MACROD2: variants seen among roughly 807,000 people sequenced by gnomAD.
MACROD2 encodes the protein ADP-ribose glycohydrolase MACROD2.
MACROD2 carries 36 observed loss-of-function variants against 70.4 expected under a neutral mutation model. The observed-to-expected ratio is 0.51, with a 90% confidence interval of 0.39 to 0.68. MACROD2 has a LOEUF of 0.68. MACROD2 is among the 30% of genes least tolerant of loss of function. MACROD2 has a pLI of 0.00. For synonymous variants in MACROD2, 172 were observed against 178.8 expected (o/e 0.96, Z 0.30); for missense variants, 496 against 538.4 (o/e 0.92, Z 0.78).
intron 6 of MACROD2, among the ~76,000 whole-genome samples, chr20:15,360,413 G>A (rs1240808449): frequency 6.6e-6 from 1 of 152,092 alleles, no homozygotes; most frequent in Non-Finnish European, 1.5e-5. Flanking sequence ...CATATGCAAT[G>A]TATGGCTTTT....
intron 8 of MACROD2, among the ~76,000 whole-genome samples, chr20:15,746,206 A>AT (rs1039739754): frequency 1.1e-4 from 17 of 151,748 alleles, no homozygotes; most frequent in East Asian, 1.9e-4. Flanking sequence ...GAGCTTTATA[A>AT]TTTTTTTTGT....
chr20:15,287,106 G>T (rs568401636), intron 6 of MACROD2, among the ~76,000 whole-genome samples: 1 of 152,100 alleles, frequency 6.6e-6, no homozygotes, highest in Non-Finnish European at 1.5e-5. Flanking sequence ...TGTCAAGGGA[G>T]GGTTATTTTC....
chr20:14,239,187 G>A (rs1463421652), intron 3 of MACROD2, among the ~76,000 whole-genome samples: 1 of 152,118 alleles, frequency 6.6e-6, no homozygotes, highest in Non-Finnish European at 1.5e-5. Context: ...GGTCTCTACA[G>A]TGAGAATTAC....
At chr20:14,499,149 A>T (rs539486367) in intron 4 of MACROD2, among the ~76,000 whole-genome samples, 2 of 152,174 alleles carry the variant, frequency 1.3e-5, no homozygotes, top group African/African-American at 4.8e-5. Context: ...GGCAGGAGAA[A>T]CTCAGGGGCT....
chr20:14,633,461 G>A (rs1164835564), intron 4 of MACROD2, among the ~76,000 whole-genome samples: 3 of 152,098 alleles, frequency 2.0e-5, no homozygotes, highest in Non-Finnish European at 2.9e-5. Flanking sequence ...ACTCTGAGTT[G>A]GTGATAAATA....
chr20:15,620,267 G>GT (rs1229584088), intron 8 of MACROD2, among the ~76,000 whole-genome samples: 2 of 152,134 alleles, frequency 1.3e-5, no homozygotes, highest in Non-Finnish European at 2.9e-5. Flanking sequence ...AGAGAATGAA[G>GT]TTTTTTCCTG....
At chr20:14,931,523 C>T (rs1324159943) in intron 5 of MACROD2, among the ~76,000 whole-genome samples, 6 of 152,026 alleles carry the variant, frequency 3.9e-5, no homozygotes, top group South Asian at 2.1e-4. Context: ...CTGTTAGGTG[C>T]ATCTGCCATA....
At chr20:14,814,770 C>A (rs2072754269) in intron 5 of MACROD2, among the ~76,000 whole-genome samples, 1 of 151,632 alleles carries the variant, frequency 6.6e-6, no homozygotes. Flanking sequence ...TTAAAGGTGA[C>A]AGATAATCAA....
intron 5 of MACROD2, among the ~76,000 whole-genome samples, chr20:14,763,278 A>G (rs540700834): frequency 6.6e-6 from 1 of 152,276 alleles, no homozygotes; most frequent in Non-Finnish European, 1.5e-5. Flanking sequence ...ATGCAAAAAA[A>G]CTTGTCGCTC....
chr20:14,884,102 T>C (rs2073642240), intron 5 of MACROD2, among the ~76,000 whole-genome samples: 1 of 152,188 alleles, frequency 6.6e-6, no homozygotes, highest in African/African-American at 2.4e-5. Context: ...TTTCCTGTGA[T>C]ATCCCATGGA....
At position 14,681,285 on chromosome 20, in the gene MACROD2, C is replaced by T. The variant is rs76920499; in HGVS notation, c.302-3558C>T. ...GATATTTGTCCAATGGAAATGAAAA[C>T]GTATAGCTACAAGATGGTTTATACA... is the stretch of plus-strand genomic sequence containing the variant. On this transcript the variant is annotated intron_variant, in intron 4 of 17. Transcript: ENST00000684519. Among the ~76,000 whole-genome samples, 835 of 152,166 alleles carry T rather than the reference C, an allele frequency of 5.5e-3. 16 individuals are homozygous for T. The highest frequency in any genetic ancestry group is 0.019 in the African/African-American group (787 of 41,546).
At chr20:14,273,086 G>A (rs2082212324) in intron 3 of MACROD2, among the ~76,000 whole-genome samples, 3 of 151,986 alleles carry the variant, frequency 2.0e-5, no homozygotes, top group African/African-American at 7.2e-5. Context: ...ACAGATCAAT[G>A]AGACAGAAAG....
At chr20:14,867,586 C>T (rs547787222) in intron 5 of MACROD2, among the ~76,000 whole-genome samples, 1 of 152,188 alleles carries the variant, frequency 6.6e-6, no homozygotes, top group Admixed American at 6.5e-5. Context: ...CCTTGACCAG[C>T]CTTCTATCTA....
intron 5 of MACROD2, among the ~76,000 whole-genome samples, chr20:15,098,692 T>A (rs1268703799): frequency 6.6e-6 from 1 of 152,110 alleles, no homozygotes; most frequent in African/African-American, 2.4e-5. Context: ...AATGGTCAAA[T>A]AAAAGAAGTT....
intron 8 of MACROD2, among the ~76,000 whole-genome samples, chr20:15,662,139 C>G (rs906219037): frequency 4.6e-5 from 7 of 152,310 alleles, no homozygotes; most frequent in African/African-American, 1.7e-4. Context: ...TGGTTTACCC[C>G]ATTTCAGAGC....
intron 5 of MACROD2, among the ~76,000 whole-genome samples, chr20:14,686,297 G>T (rs765647295): frequency 1.3e-5 from 2 of 152,066 alleles, no homozygotes; most frequent in Non-Finnish European, 2.9e-5. Context: ...CCAAGTCTAA[G>T]CACAAAATTC....
At chr20:14,625,281 C>T (rs1000238067) in intron 4 of MACROD2, among the ~76,000 whole-genome samples, 17 of 151,670 alleles carry the variant, frequency 1.1e-4, no homozygotes, top group South Asian at 2.1e-4. Context: ...GAGTCGAGAT[C>T]GTGCCATTTA....
At chr20:14,845,866 C>A (rs2073134689) in intron 5 of MACROD2, among the ~76,000 whole-genome samples, 1 of 152,068 alleles carries the variant, frequency 6.6e-6, no homozygotes, top group Non-Finnish European at 1.5e-5. Flanking sequence ...TTCCTTCCCC[C>A]AAACGGCATT....
chr20:14,729,394 A>G (rs1408872601), intron 5 of MACROD2, among the ~76,000 whole-genome samples: 1 of 152,186 alleles, frequency 6.6e-6, no homozygotes, highest in Non-Finnish European at 1.5e-5. Flanking sequence ...TAGTATCCTC[A>G]ATAACTGTTT....
Sources: gnomAD v4.1 joint callset for allele counts (sites outside exome capture counted in the v4.1 genomes callset) on GRCh38, gnomAD v4.1.1 for gene constraint, MANE v1.5 for transcripts, NCBI Gene and HGNC (gene_info 2026-07-23, HGNC 2026-07-21) for gene names.